The following GLIS3 variants were observed in gnomAD, a reference collection of about 807,000 sequenced individuals.
GLIS3 encodes GLIS family zinc finger 3.
In GLIS3, 53 loss-of-function variants were observed where a neutral mutation model predicts 78.6. The observed-to-expected ratio is 0.67, with a 90% CI of 0.54 to 0.85. The LOEUF (loss-of-function observed/expected upper bound fraction) is 0.85, where lower values mean the gene tolerates loss of function less well. Ranked by LOEUF, GLIS3 falls within the 40% of genes least tolerant of loss-of-function variation. The pLI is 0.00. For missense variants in GLIS3, 1,703 were observed against 1,231.1 expected (o/e 1.38, Z -5.74); for synonymous variants, 684 against 509.9 (o/e 1.34, Z -4.60).
chr9:3,972,293 A>C (rs866080332), intron 4 of GLIS3, among the ~76,000 whole-genome samples: 2 of 152,136 alleles, frequency 1.3e-5, no homozygotes, highest in South Asian at 2.1e-4. Context: ...AAATCATCCC[A>C]GTTCTTTATT....
intron 6 of GLIS3, among the ~76,000 whole-genome samples, chr9:3,919,651 AAAAAAAAAATTAAAAAT>A (rs1824742310): frequency 6.6e-6 from 1 of 151,714 alleles, no homozygotes; most frequent in South Asian, 2.1e-4. Flanking sequence ...TAAAAAATAA[AAAAAAAAAATTAAAAAT>A]AAAAAAAAAT....
intron 2 of GLIS3, among the ~76,000 whole-genome samples, chr9:4,135,703 T>C (rs1833356701): frequency 6.6e-6 from 1 of 152,162 alleles, no homozygotes. Flanking sequence ...TTTTCTCAAA[T>C]GGGAGAAACA....
intron 2 of GLIS3, among the ~76,000 whole-genome samples, chr9:4,135,432 C>T (rs1171939044): frequency 6.6e-6 from 1 of 152,094 alleles, no homozygotes; most frequent in African/African-American, 2.4e-5. Flanking sequence ...ATTCTAAAGG[C>T]AATGTGAGTT....
intron 2 of GLIS3, among the ~76,000 whole-genome samples, chr9:4,166,823 G>T (rs1815885927): frequency 6.6e-6 from 1 of 152,210 alleles, no homozygotes. Flanking sequence ...TAATTAAGAG[G>T]GCAGATGGTA....
At position 4,250,516 on chromosome 9, in the gene GLIS3, AG is replaced by A. The variant is rs141415089; in HGVS notation, c.388+35521del. On this transcript the variant is annotated intron_variant, in intron 2 of 10. Transcript: ENST00000381971. ...TTTGATTATTCTCTCTTTTCTTATT[AG>A]TTTTGCTAGCAGTCTATCAGTTTTG... 4.4e-3 allele frequency among the ~76,000 whole-genome samples: 663 copies of A among 151,766 alleles called. 6 individuals carry two copies. The highest frequency in any genetic ancestry group is 0.015 in the African/African-American group (627 of 41,428).
chr9:4,433,369 T>G, the GLIS3 span, among the ~76,000 whole-genome samples: 1 of 152,012 alleles, frequency 6.6e-6, no homozygotes, highest in African/African-American at 2.4e-5. Context: ...AAGGCAAAAG[T>G]TGCAGCAAGC....
chr9:4,458,331 C>T, the GLIS3 span, among the ~76,000 whole-genome samples: 1 of 152,182 alleles, frequency 6.6e-6, no homozygotes, highest in African/African-American at 2.4e-5. Context: ...AAGGTCTCCC[C>T]TCAAGGAGCT....
intron 8 of GLIS3, chr9:3,878,562 G>A (rs1429366690): frequency 1.3e-5 from 2 of 152,106 alleles, no homozygotes; most frequent in South Asian, 2.1e-4. Context: ...TTTTATTCCT[G>A]CTGCCTATTC....
chr9:3,851,467 G>C (rs139880892), intron 9 of GLIS3, among the ~76,000 whole-genome samples: 5 of 152,172 alleles, frequency 3.3e-5, no homozygotes, highest in Non-Finnish European at 7.4e-5. Context: ...TACTAATGAA[G>C]GCAAAATGAA....
At chr9:4,443,107 T>A in the GLIS3 span, among the ~76,000 whole-genome samples, 1 of 152,132 alleles carries the variant, frequency 6.6e-6, no homozygotes. Context: ...TTATGAAACA[T>A]TGAGTCCCAT....
intron 8 of GLIS3, among the ~76,000 whole-genome samples, chr9:3,872,886 A>G (rs1312626936): frequency 6.6e-6 from 1 of 152,218 alleles, no homozygotes; most frequent in African/African-American, 2.4e-5. Flanking sequence ...AGGAGGAACA[A>G]ACCAAACCCC....
the GLIS3 span, among the ~76,000 whole-genome samples, chr9:4,437,087 A>T: frequency 6.6e-5 from 10 of 152,190 alleles, no homozygotes; most frequent in African/African-American, 2.4e-4. Flanking sequence ...ATGAGGAAAT[A>T]GGATAGAAGA....
At chr9:3,953,477 C>G (rs1816835187) in intron 4 of GLIS3, among the ~76,000 whole-genome samples, 1 of 152,074 alleles carries the variant, frequency 6.6e-6, no homozygotes, top group Non-Finnish European at 1.5e-5. Flanking sequence ...CACTGACTTC[C>G]ACATCTCTTA....
chr9:3,912,733 G>A (rs1563842368), intron 6 of GLIS3, among the ~76,000 whole-genome samples: 2 of 152,108 alleles, frequency 1.3e-5, no homozygotes, highest in Admixed American at 1.3e-4. Flanking sequence ...TCAGAGGTAC[G>A]TCTTAAAAGC....
At chr9:4,070,183 G>T (rs1333840145) in intron 4 of GLIS3, among the ~76,000 whole-genome samples, 1 of 152,076 alleles carries the variant, frequency 6.6e-6, no homozygotes, top group Non-Finnish European at 1.5e-5. Flanking sequence ...CAGCTTTATA[G>T]AATAGTATTT....
At chr9:4,119,780 T>C (rs1832042956) in intron 3 of GLIS3, among the ~76,000 whole-genome samples, 1 of 152,246 alleles carries the variant, frequency 6.6e-6, no homozygotes, top group African/African-American at 2.4e-5. Flanking sequence ...ATATATTATC[T>C]GCATATCAAA....
intron 6 of GLIS3, among the ~76,000 whole-genome samples, chr9:3,903,990 C>G (rs1420826423): frequency 6.6e-6 from 1 of 152,106 alleles, no homozygotes; most frequent in Non-Finnish European, 1.5e-5. Context: ...CCTGCATTCC[C>G]CAATAAGTCT....
intron 9 of GLIS3, among the ~76,000 whole-genome samples, chr9:3,840,413 G>A (rs1383558232): frequency 6.6e-6 from 1 of 152,054 alleles, no homozygotes; most frequent in Non-Finnish European, 1.5e-5. Context: ...CCTGGAAGAG[G>A]TATAAAAACT....
At chr9:4,089,818 A>C (rs1564031054) in intron 4 of GLIS3, among the ~76,000 whole-genome samples, 2 of 152,162 alleles carry the variant, frequency 1.3e-5, no homozygotes, top group African/African-American at 4.8e-5. Flanking sequence ...ACCCTGACAA[A>C]AACAACAACA....
Sources: allele counts gnomAD v4.1 joint callset (sites outside exome capture counted in the v4.1 genomes callset), GRCh38; gene constraint gnomAD v4.1.1; transcripts MANE v1.5; gene names NCBI Gene and HGNC (gene_info 2026-07-23, HGNC 2026-07-21).